CA7: variants seen among roughly 807,000 people sequenced by gnomAD.
CA7 encodes the protein carbonate dehydratase VII.
In CA7, 13 loss-of-function variants were observed where a neutral mutation model predicts 31.4. The ratio of observed to expected loss-of-function variants is 0.41; its 90% CI spans 0.27 to 0.66. CA7 has a LOEUF of 0.66. Ranked by LOEUF, CA7 falls within the 30% of genes least tolerant of loss-of-function variation. CA7 has a pLI of 0.28. For synonymous variants in CA7, 128 were observed against 133.2 expected, an observed-to-expected ratio of 0.96 and a Z score of 0.27; for missense variants, 215 against 351.0, an observed-to-expected ratio of 0.61 and a Z score of 3.10.
At chr16:66,845,525 C>T (rs1486824720) in intron 1 of CA7, among the ~76,000 whole-genome samples, 1 of 152,120 alleles carries the variant, frequency 6.6e-6, no homozygotes, top group African/African-American at 2.4e-5. Context: ...CTTTGGCTCC[C>T]TCTGGGGCCC....
Position 66,853,849 on chromosome 16 carries a change from G to T in CA7, c.*351G>T. On this transcript the variant is annotated 3_prime_UTR_variant, in exon 7 of 7. Transcript: ENST00000338437. The surrounding 1 kb of genome is among the most constrained non-coding windows in gnomAD (Gnocchi z 4.5). ...GATGGAGGAGACTGAGCTCCCTGGG[G>T]CGGGCAGCTGACACTACCAGAGAGA... 4.1e-6 allele frequency: 1 copy of T among 244,312 alleles called. No individual in the cohort carries two copies. Among genetic ancestry groups the T allele is most frequent in the Non-Finnish European group, 8.0e-6 (1 of 124,514 alleles). 15.1% of individuals were successfully genotyped at this position (244,312 alleles called of 1,614,324 possible).
At chr16:66,849,187 G>T (rs1445055167) in intron 2 of CA7, among the ~76,000 whole-genome samples, 1 of 152,130 alleles carries the variant, frequency 6.6e-6, no homozygotes, top group Non-Finnish European at 1.5e-5. Flanking sequence ...GTCCCAGGAG[G>T]CCTCGTGCAT....
In CA7 at chr16:66,845,096, A is replaced by G. The variant is rs1960898834; in HGVS notation, c.40+569A>G. 3.0e-6 allele frequency: 3 copies of G among 985,468 alleles called. No individual in the cohort carries two copies. In the South Asian group the frequency reaches 1.4e-4, roughly 46 times the overall value. 61.0% of individuals were successfully genotyped at this position (985,468 alleles called of 1,614,324 possible). Reference sequence around the variant, plus strand: ...AGCATGTGTCTGGGTGTCTACACCGAGCAGGGTGTTTGCGCACGTCCGGGT... The same window carrying G: ...AGCATGTGTCTGGGTGTCTACACCGGGCAGGGTGTTTGCGCACGTCCGGGT... On this transcript the variant is annotated intron_variant, in intron 1 of 6. Transcript: ENST00000338437.
chr16:66,845,649 G>T (rs1960915005), intron 1 of CA7, among the ~76,000 whole-genome samples: 1 of 152,152 alleles, frequency 6.6e-6, no homozygotes, highest in African/African-American at 2.4e-5. Context: ...GAGACAGGCA[G>T]ACATGGGGCA....
chr16:66,852,619 G>A (rs940583178), intron 5 of CA7, 93 bp from the exon 6 acceptor site: 1 of 840,640 alleles, frequency 1.2e-6, no homozygotes, highest in South Asian at 4.1e-5. Context: ...AAAAAGAAAA[G>A]AAAAAAGAAA....
In CA7 at chr16:66,844,522, A is replaced by T. The variant is rs1467097013; in HGVS notation, c.35A>T (p.Asp12Val). The change falls in exon 1 of 7, where the codon GAC becomes GTC. Residue 12 changes from aspartate (D) to valine (V), a missense_variant. Transcript: ENST00000338437. ...CACCACGGCTGGGGCTACGGCCAGG[A>T]CGACGGTAGGCACAGACCTCCCCCA... ...TGHHGWGYGQ[D>V]DGPSHWHKLY... 6.5e-7 allele frequency: 1 copy of T among 1,543,736 alleles called. No individual in the cohort carries two copies. The highest frequency in any genetic ancestry group is 2.0e-5 in the Admixed American group (1 of 50,598).
intron 1 of CA7, chr16:66,844,998 A>G (rs1407093658): frequency 1.0e-6 from 1 of 989,754 alleles, no homozygotes; most frequent in Non-Finnish European, 1.2e-6. Flanking sequence ...TCCCCCGGAG[A>G]GAATTTCCCC....
intron 3 of CA7, 119 bp from the exon 4 acceptor site, chr16:66,851,344 C>A: frequency 1.1e-6 from 1 of 878,228 alleles, no homozygotes; most frequent in Non-Finnish European, 1.9e-6. Flanking sequence ...TCCTTGGAGG[C>A]TTGACAGCTT....
At position 66,850,567 on chromosome 16, in the gene CA7, C is replaced by T. The variant is rs979100939; in HGVS notation, c.265C>T (p.Pro89Ser). The stretch of plus-strand genomic sequence containing the variant: ...GGTGACTGGGGGCCCCCTGGAAGGG[C>T]CCTACCGCCTCAAGCAGTTTCACTT... ...TVVTGGPLEGPYRLKQFHFHW... is the reference protein window; with the variant it reads ...TVVTGGPLEGSYRLKQFHFHW... The change falls in exon 3 of 7, where the codon CCC (proline) becomes TCC (serine). Residue 89 changes from proline to serine, a missense_variant. Physicochemically the swap from Pro to Ser is moderately conservative, Grantham distance 74. Coordinates refer to ENST00000338437, the MANE Select transcript of CA7 (RefSeq NM_005182.3). 2 of 1,613,564 alleles carry T rather than the reference C, an allele frequency of 1.2e-6. No homozygotes were observed. Among genetic ancestry groups the T allele is most frequent in the African/African-American group, 2.7e-5 (2 of 74,926 alleles).
At chr16:66,848,789 G>T (rs152166) in intron 2 of CA7, among the ~76,000 whole-genome samples, 1 of 151,952 alleles carries the variant, frequency 6.6e-6, no homozygotes, top group African/African-American at 2.4e-5. Flanking sequence ...CTCTCTAGGA[G>T]CCCACACTAT....
At chr16:66,845,212 G>A (rs1960902778) in intron 1 of CA7, 3 of 985,514 alleles carry the variant, frequency 3.0e-6, no homozygotes, top group Non-Finnish European at 3.6e-6. Context: ...TTAGGACTCA[G>A]AGAAAGGGAG....
At chr16:66,844,872 A>G in intron 1 of CA7, 1 of 1,063,238 alleles carries the variant, frequency 9.4e-7, no homozygotes, top group Non-Finnish European at 1.1e-6. Context: ...GGGGTGGCCC[A>G]GGGCAGCGGG....
chr16:66,852,956 C>T (rs1216697841), intron 6 of CA7, 89 bp downstream of exon 6: 8 of 1,181,288 alleles, frequency 6.8e-6, no homozygotes, highest in Non-Finnish European at 8.2e-6. Context: ...CCCCACAGCC[C>T]GTGATCCCAC....
rs200359640 is a variant in CA7 at position 66,851,741 on chromosome 16, C to T, written c.516+15C>T. 5 of 1,611,122 alleles carry T rather than the reference C, an allele frequency of 3.1e-6. No homozygotes were observed. The highest frequency in any genetic ancestry group is 3.4e-6 in the Non-Finnish European group (4 of 1,178,424). The stretch of plus-strand genomic sequence containing the variant: ...TCCGGTTCAAGGTAAAGTCCCTGCC[C>T]CTGACCCAAGCAGCCCGATGGGGAG... On this transcript the variant is annotated intron_variant, in intron 5 of 6. Coordinates refer to ENST00000338437, the MANE Select transcript of CA7 (RefSeq NM_005182.3).
In CA7 at chr16:66,851,974, G is replaced by A. The variant is rs142943166; in HGVS notation, c.516+248G>A. ...TTGTCACATTAATGGTGGTCTAATA[G>A]GCAATGTCATTGAGGGCAGCTGAAG... On this transcript the variant is annotated intron_variant, in intron 5 of 6. Transcript: ENST00000338437. Among the ~76,000 whole-genome samples, 4 of 152,256 alleles carry A rather than the reference G, an allele frequency of 2.6e-5. No individual in the cohort carries two copies. The East Asian group carries it at 7.7e-4, about 29-fold the overall frequency.
chr16:66,844,806 C>G (rs1567504527), intron 1 of CA7: 1 of 835,702 alleles, frequency 1.2e-6, no homozygotes, highest in Non-Finnish European at 1.6e-6. Flanking sequence ...TTGCCCAGCC[C>G]GCTCAGACCC....
intron 2 of CA7, among the ~76,000 whole-genome samples, chr16:66,847,585 C>T (rs771423744): frequency 1.3e-5 from 2 of 152,206 alleles, no homozygotes; most frequent in African/African-American, 4.8e-5. Context: ...AAGCCCTCCT[C>T]GCTGTGTGAT....
At chr16:66,852,592 A>T (rs573430323) in intron 5 of CA7, 120 bp from the exon 6 acceptor site, 11 of 553,372 alleles carry the variant, frequency 2.0e-5, no homozygotes, top group Non-Finnish European at 2.7e-5. Context: ...AAAAGAAAAA[A>T]AAAAGAAAAG....
Position 66,851,678 on chromosome 16 carries a change from C to T in CA7, c.468C>T (p.His156=), listed in dbSNP as rs1422031052. 4 of 1,614,010 alleles carry T rather than the reference C, an allele frequency of 2.5e-6. No individual in the cohort carries two copies. Among genetic ancestry groups the T allele is most frequent in the Admixed American group, 3.3e-5 (2 of 59,992 alleles). Residue 156 remains histidine, a synonymous_variant, in exon 5 of 7, where the codon CAC becomes CAT. Coordinates refer to ENST00000338437, the MANE Select transcript of CA7 (RefSeq NM_005182.3). ...CTCCCTGACAGACAGGAGACGAGCA[C>T]CCCAGCATGAATCGTCTGACAGATG... is the stretch of plus-strand genomic sequence containing the variant. ...VGVFLETGDE[H]PSMNRLTDAL...
Sources: allele counts gnomAD v4.1 joint callset (sites outside exome capture counted in the v4.1 genomes callset), GRCh38; gene constraint gnomAD v4.1.1; non-coding constraint Gnocchi (gnomAD v3.1); transcripts MANE v1.5; gene names NCBI Gene and HGNC (gene_info 2026-07-23, HGNC 2026-07-21).